SLC35H1: variants seen among roughly 807,000 people sequenced by gnomAD.
SLC35H1 encodes the protein ovarian cancer-overexpressed gene 1 protein.
the SLC35H1 span, among the ~76,000 whole-genome samples, chr20:46,363,325 TA>T: frequency 6.6e-6 from 1 of 152,228 alleles, no homozygotes; most frequent in South Asian, 2.1e-4. Flanking sequence ...CAATGATTTC[TA>T]AATTCTTTAC....
the SLC35H1 span, among the ~76,000 whole-genome samples, chr20:46,359,381 G>A: frequency 5.9e-5 from 9 of 152,146 alleles, no homozygotes; most frequent in African/African-American, 1.9e-4. Context: ...GAGAGGCTAC[G>A]AGCGGCACAA....
chr20:46,357,224 C>T, the SLC35H1 span, among the ~76,000 whole-genome samples: 1 of 152,246 alleles, frequency 6.6e-6, no homozygotes, highest in African/African-American at 2.4e-5. Flanking sequence ...CTCTACCAGC[C>T]ATGGGCCCCG....
chr20:46,350,346 G>A, the SLC35H1 span: 9 of 1,549,202 alleles, frequency 5.8e-6, no homozygotes, highest in Non-Finnish European at 7.9e-6. Flanking sequence ...GTGAGTGCTG[G>A]CAGCAGGCTG....
chr20:46,354,798 T>C, the SLC35H1 span: 1 of 1,243,672 alleles, frequency 8.0e-7, no homozygotes, highest in Admixed American at 2.0e-5. Context: ...CAATAATCTC[T>C]GCAGCTACCA....
At chr20:46,350,421 C>T in the SLC35H1 span, 5 of 1,612,994 alleles carry the variant, frequency 3.1e-6, no homozygotes, top group Middle Eastern at 1.7e-4. Flanking sequence ...CCACAAAGTA[C>T]TCCTCCTCCT....
the SLC35H1 span, among the ~76,000 whole-genome samples, chr20:46,358,205 CCAAA>C: frequency 6.6e-6 from 1 of 152,194 alleles, no homozygotes; most frequent in African/African-American, 2.4e-5. Context: ...TTCCCTGGAT[CCAAA>C]CACTGAAGGG....
At chr20:46,357,166 G>A in the SLC35H1 span, among the ~76,000 whole-genome samples, 5 of 152,206 alleles carry the variant, frequency 3.3e-5, no homozygotes, top group East Asian at 1.9e-4. Context: ...CCAGTCCCAC[G>A]CATCCTTCAG....
At chr20:46,355,086 C>T in the SLC35H1 span, 1 of 1,614,106 alleles carries the variant, frequency 6.2e-7, no homozygotes, top group Non-Finnish European at 8.5e-7. This position sits in a 1 kb window ranked among gnomAD's most constrained non-coding sequence, Gnocchi z 4.8. Flanking sequence ...GTTCAGCCTT[C>T]TGCAGGAGCA....
chr20:46,351,207 C>G, the SLC35H1 span, among the ~76,000 whole-genome samples: 1 of 152,218 alleles, frequency 6.6e-6, no homozygotes, highest in South Asian at 2.1e-4. Context: ...AGGACGGCTG[C>G]CCCAGAAGGC....
chr20:46,348,114 G>A, the SLC35H1 span: 9 of 151,348 alleles, frequency 5.9e-5, no homozygotes, highest in African/African-American at 1.7e-4. Flanking sequence ...GGTGGTTCTA[G>A]GGCTCAATGC....
At chr20:46,346,030 G>C in the SLC35H1 span, 1 of 152,192 alleles carries the variant, frequency 6.6e-6, no homozygotes, top group East Asian at 1.9e-4. Flanking sequence ...CTCCAGCAGC[G>C]ATCACCGGCC....
chr20:46,362,204 G>A, the SLC35H1 span, among the ~76,000 whole-genome samples: 3 of 152,142 alleles, frequency 2.0e-5, no homozygotes, highest in Non-Finnish European at 4.4e-5. Flanking sequence ...GCCCACCACT[G>A]GAGACACAGA....
chr20:46,364,241 G>GAGGGGC, the SLC35H1 span: 1 of 152,300 alleles, frequency 6.6e-6, no homozygotes, highest in African/African-American at 2.4e-5. Context: ...GAGGCCCGGG[G>GAGGGGC]AGGGGCAGGG....
chr20:46,358,118 C>T, the SLC35H1 span, among the ~76,000 whole-genome samples: 1 of 152,214 alleles, frequency 6.6e-6, no homozygotes, highest in Non-Finnish European at 1.5e-5. Context: ...TGAAATACTT[C>T]TCTAGTGGGG....
the SLC35H1 span, chr20:46,357,902 T>TGTA: frequency 2.1e-6 from 2 of 930,484 alleles, no homozygotes; most frequent in Non-Finnish European, 3.2e-6. Flanking sequence ...TTGCTATGTG[T>TGTA]GTAGGGCCCT....
At chr20:46,358,173 C>T in the SLC35H1 span, among the ~76,000 whole-genome samples, 1 of 152,318 alleles carries the variant, frequency 6.6e-6, no homozygotes, top group Admixed American at 6.5e-5. Flanking sequence ...CTCATCCCTT[C>T]ACACCCCCCG....
the SLC35H1 span, chr20:46,352,419 G>A: frequency 3.4e-6 from 2 of 590,254 alleles, no homozygotes; most frequent in South Asian, 2.1e-5. Context: ...GGGGAAACCA[G>A]GGAAGCAGTG....
the SLC35H1 span, among the ~76,000 whole-genome samples, chr20:46,360,838 C>T: frequency 1.3e-5 from 2 of 152,190 alleles, no homozygotes; most frequent in Non-Finnish European, 2.9e-5. Flanking sequence ...CGTGAGCCAC[C>T]GCGCCCGGCT....
At chr20:46,356,898 CCT>C in the SLC35H1 span, among the ~76,000 whole-genome samples, 2 of 152,248 alleles carry the variant, frequency 1.3e-5, no homozygotes, top group Admixed American at 1.3e-4. Flanking sequence ...CGGCGAGCCC[CCT>C]GAGCGGAGGT....
Sources: gnomAD v4.1 joint callset for allele counts (sites outside exome capture counted in the v4.1 genomes callset) on GRCh38, gnomAD v4.1.1 for gene constraint, Gnocchi (gnomAD v3.1) non-coding constraint, MANE v1.5 for transcripts, NCBI Gene and HGNC (gene_info 2026-07-23, HGNC 2026-07-21) for gene names.